Variants in TET2 observed in about 807,000 individuals in gnomAD.
TET2 encodes tet methylcytosine dioxygenase 2.
In TET2, 299 loss-of-function variants were observed where a neutral mutation model predicts 142.9. That is an observed-to-expected ratio of 2.09 (90% confidence interval 1.90 to 2.30). The LOEUF is 2.30. Among genes scored for constraint, TET2 ranks in the 30% most tolerant of loss-of-function variants. The pLI, the probability that TET2 is intolerant of heterozygous loss-of-function variation, is 0.00. For synonymous variants in TET2, 819 were observed against 849.0 expected (o/e 0.96, Z 0.61); for missense variants, 2,418 against 2,378.0 (o/e 1.02, Z -0.35).
At position 105,190,522 on chromosome 4, in the gene TET2, A is replaced by C. The variant is rs1725722961; in HGVS notation, c.-47+17A>C. The C allele has an allele frequency of 1.4e-6, 1 of 698,816 alleles. No homozygotes were observed. Among genetic ancestry groups the C allele is most frequent in the Non-Finnish European group, 2.6e-6 (1 of 383,912 alleles). 43.3% of individuals were successfully genotyped at this position (698,816 alleles called of 1,614,324 possible). A position where few individuals can be genotyped will look rare whatever the true frequency, so the allele number is the denominator to read the frequency against. On this transcript the variant is annotated intron_variant, in intron 2 of 10. Coordinates refer to ENST00000380013, the MANE Select transcript of TET2 (RefSeq NM_001127208.3). ...GAGCTGCTGGTAAGACAGTGGAGAC[A>C]GTTGACACTTGTTTGTCAAGTATGA...
intron 7 of TET2, among the ~76,000 whole-genome samples, chr4:105,260,880 C>T (rs1223863775): frequency 6.6e-6 from 1 of 152,000 alleles, no homozygotes; most frequent in Non-Finnish European, 1.5e-5. Context: ...TTTTAATTTT[C>T]TACAGATAAC....
At chr4:105,211,452 T>C (rs888201401) in intron 2 of TET2, among the ~76,000 whole-genome samples, 4 of 152,160 alleles carry the variant, frequency 2.6e-5, no homozygotes, top group Admixed American at 6.6e-5. Flanking sequence ...GATGAAAGAA[T>C]GTTGAAGAGA....
Position 105,259,781 on chromosome 4 carries a change from TC to T in TET2, c.3954+14del. 1 of 1,548,462 alleles carries T rather than the reference TC, an allele frequency of 6.5e-7. No homozygotes were observed. Among genetic ancestry groups the T allele is most frequent in the Admixed American group, 2.0e-5 (1 of 50,664 alleles). ...ATGACCCAAAAGAGGTTTGTTTACT[TC>T]CTGATGTATAATCGCTTTATTTTTC... On this transcript the variant is annotated intron_variant, in intron 7 of 10. Coordinates refer to ENST00000380013, the MANE Select transcript of TET2 (RefSeq NM_001127208.3).
At chr4:105,232,939 T>C (rs1239884642) in intron 2 of TET2, among the ~76,000 whole-genome samples, 1 of 152,088 alleles carries the variant, frequency 6.6e-6, no homozygotes, top group Non-Finnish European at 1.5e-5. Flanking sequence ...GATGAAATAG[T>C]TTGAGAACCA....
chr4:105,188,578 T>G (rs904254078), intron 1 of TET2, among the ~76,000 whole-genome samples: 2 of 152,142 alleles, frequency 1.3e-5, no homozygotes, highest in Non-Finnish European at 2.9e-5. Context: ...CAAAGAAGCA[T>G]TATTTATGAG....
chr4:105,249,956 T>C (rs1178241194), intron 6 of TET2, among the ~76,000 whole-genome samples: 1 of 152,232 alleles, frequency 6.6e-6, no homozygotes, highest in African/African-American at 2.4e-5. Context: ...TTTGGGGTCA[T>C]ATTTAAGAAA....
At chr4:105,146,563 G>A (rs572784934), upstream of TET2, 1 of 152,906 alleles carries the variant, frequency 6.5e-6, no homozygotes, top group Non-Finnish European at 1.5e-5. Flanking sequence ...CGGTGCGGGG[G>A]GCTAATTCCC....
chr4:105,220,186 A>C (rs1480119313), intron 2 of TET2, among the ~76,000 whole-genome samples: 6 of 152,182 alleles, frequency 3.9e-5, no homozygotes, highest in Non-Finnish European at 7.4e-5. Flanking sequence ...AATTACATAA[A>C]GTTCTTATAT....
chr4:105,214,324 T>TTTTG (rs1727350540), intron 2 of TET2, among the ~76,000 whole-genome samples: 1 of 142,794 alleles, frequency 7.0e-6, no homozygotes, highest in African/African-American at 2.7e-5. Context: ...TTTTTTTTTT[T>TTTTG]GAGACAAGAC....
chr4:105,256,926 CTTGAGT>C (rs1236274518), intron 6 of TET2, among the ~76,000 whole-genome samples: 1 of 151,822 alleles, frequency 6.6e-6, no homozygotes, highest in Non-Finnish European at 1.5e-5. Context: ...ATATCTTTTT[CTTGAGT>C]TTATCTCATG....
chr4:105,241,409 T>C lies in TET2; in HGVS notation c.3480T>C (p.Ile1160=). The change falls in exon 4 of 11, where the codon ATT becomes ATC. Residue 1160 remains isoleucine, a synonymous_variant. Transcript: ENST00000380013. ...HLGAGPNVAA[I]REIMEERFGQ... is the part of the protein sequence containing the mutation. ...GAGCAGGTCCTAATGTGGCAGCTAT[T>C]AGAGAAATCATGGAAGAAAGGTAAT... 6.5e-7 allele frequency: 1 copy of C among 1,550,094 alleles called. No homozygotes were observed. The highest frequency in any genetic ancestry group is 8.7e-7 in the Non-Finnish European group (1 of 1,146,572).
intron 6 of TET2, among the ~76,000 whole-genome samples, chr4:105,250,785 G>A (rs763772643): frequency 2.0e-5 from 3 of 151,808 alleles, no homozygotes; most frequent in Non-Finnish European, 2.9e-5. Flanking sequence ...CTCCACCTCC[G>A]GGTTCAAGTG....
At chr4:105,218,790 T>A (rs1013813417) in intron 2 of TET2, among the ~76,000 whole-genome samples, 3 of 152,060 alleles carry the variant, frequency 2.0e-5, no homozygotes, top group Admixed American at 2.0e-4. Flanking sequence ...CCATATTTTA[T>A]GCAACTTCTG....
At chr4:105,167,701 G>A (rs1375115559) in intron 1 of TET2, among the ~76,000 whole-genome samples, 2 of 152,152 alleles carry the variant, frequency 1.3e-5, no homozygotes, top group African/African-American at 2.4e-5. Context: ...AGCAGTAGCA[G>A]TTCATCCTGT....
chr4:105,221,945 A>G (rs1209989796), intron 2 of TET2, among the ~76,000 whole-genome samples: 1 of 144,732 alleles, frequency 6.9e-6, no homozygotes, highest in South Asian at 2.2e-4. Flanking sequence ...ATTCCCACCT[A>G]TGAGTGAGAA....
Position 105,269,757 on chromosome 4 carries a change from G to A in TET2, c.4182+10G>A, listed in dbSNP as rs933013700. On this transcript the variant is annotated intron_variant, in intron 9 of 10. Transcript: ENST00000380013. Reference sequence around the variant, plus strand: ...GAATGGCAGCACATTGGTAAGTTGGGCTGAGGACAGCTTAGCAGCTGTTGA... The same window carrying A: ...GAATGGCAGCACATTGGTAAGTTGGACTGAGGACAGCTTAGCAGCTGTTGA... 6.4e-7 allele frequency: 1 copy of A among 1,551,304 alleles called. No homozygotes were observed. The highest frequency in any genetic ancestry group is 8.7e-7 in the Non-Finnish European group (1 of 1,146,796).
chr4:105,165,279 G>C (rs1724095271), intron 1 of TET2, among the ~76,000 whole-genome samples: 1 of 152,144 alleles, frequency 6.6e-6, no homozygotes, highest in South Asian at 2.1e-4. Context: ...AGGAGACTGA[G>C]GCACGAGAAT....
At chr4:105,220,375 C>A (rs1727745308) in intron 2 of TET2, among the ~76,000 whole-genome samples, 1 of 152,086 alleles carries the variant, frequency 6.6e-6, no homozygotes, top group Admixed American at 6.6e-5. Context: ...TTTTACAGCA[C>A]CTTTTGGTTA....
chr4:105,181,820 A>G (rs1488780508), intron 1 of TET2, among the ~76,000 whole-genome samples: 4 of 152,124 alleles, frequency 2.6e-5, no homozygotes, highest in Admixed American at 6.5e-5. Flanking sequence ...ACTCATTTGG[A>G]TTTCTGATTC....
Sources: allele counts gnomAD v4.1 joint callset (sites outside exome capture counted in the v4.1 genomes callset), GRCh38; gene constraint gnomAD v4.1.1; transcripts MANE v1.5; gene names NCBI Gene and HGNC (gene_info 2026-07-23, HGNC 2026-07-21).